KCNH7: variants seen among roughly 807,000 people sequenced by gnomAD.
KCNH7 encodes the protein voltage-gated inwardly rectifying potassium channel KCNH7.
Under a neutral mutation model 120.8 loss-of-function variants are expected in KCNH7, and 49 were observed. That is an observed-to-expected ratio of 0.41 (90% CI 0.32 to 0.51). KCNH7 has a LOEUF of 0.51. Ranked by LOEUF, KCNH7 falls within the 20% of genes least tolerant of loss-of-function variation. The probability of loss-of-function intolerance (pLI) is 0.38; values close to 1 mark genes in which losing one functional copy is unlikely to be tolerated. For synonymous variants in KCNH7, 547 were observed against 516.1 expected (o/e 1.06, Z -0.81); for missense variants, 1,097 against 1,446.6 (o/e 0.76, Z 3.92).
intron 2 of KCNH7, among the ~76,000 whole-genome samples, chr2:162,638,459 C>T (rs2105231437): frequency 6.6e-6 from 1 of 152,046 alleles, no homozygotes; most frequent in Non-Finnish European, 1.5e-5. Flanking sequence ...ATTTTGAAAG[C>T]AGAAGAGAAA....
At chr2:162,556,051 C>G (rs1162429751) in intron 2 of KCNH7, among the ~76,000 whole-genome samples, 3 of 151,884 alleles carry the variant, frequency 2.0e-5, no homozygotes, top group Non-Finnish European at 2.9e-5. Context: ...CATTATAAAA[C>G]CATGTCCATA....
intron 2 of KCNH7, among the ~76,000 whole-genome samples, chr2:162,821,686 C>A (rs1267829916): frequency 2.6e-5 from 4 of 152,188 alleles, no homozygotes; most frequent in Admixed American, 1.3e-4. Flanking sequence ...TAAAAAGAAT[C>A]TTGCTTTGGA....
intron 2 of KCNH7, among the ~76,000 whole-genome samples, chr2:162,678,973 G>T (rs767936923): frequency 6.6e-6 from 1 of 151,694 alleles, no homozygotes; most frequent in South Asian, 2.1e-4. Flanking sequence ...TGCCTTTGCA[G>T]GATATTTGAA....
intron 2 of KCNH7, among the ~76,000 whole-genome samples, chr2:162,634,838 T>C (rs1683900213): frequency 1.3e-5 from 2 of 152,154 alleles, no homozygotes; most frequent in Admixed American, 1.3e-4. Context: ...TTGGGTTTCT[T>C]GATGAAAGAT....
intron 2 of KCNH7, among the ~76,000 whole-genome samples, chr2:162,627,532 T>C (rs1375380260): frequency 6.6e-6 from 1 of 152,200 alleles, no homozygotes; most frequent in East Asian, 1.9e-4. Context: ...TAGTTCACAG[T>C]CAATAGGAAT....
rs151108607 is a variant in KCNH7 at position 162,667,073 on chromosome 2, G to A, written c.308-129993C>T. Among the ~76,000 whole-genome samples the A allele has an allele frequency of 9.2e-3, 1,322 of 142,958 alleles. 19 individuals carry two copies. Among genetic ancestry groups the A allele is most frequent in the African/African-American group, 0.033 (1,260 of 38,580 alleles). The allele number at this position is 142,958 out of a possible 152,430, so 93.8% of individuals were successfully genotyped here. On this transcript the variant is annotated intron_variant, in intron 2 of 15. Coordinates refer to ENST00000332142, the MANE Select transcript of KCNH7 (RefSeq NM_033272.4). ...CTCACTCCATCACCCAGGCTGGAGT[G>A]CAGTGGCACAATCATGGCCCACTGC...
At chr2:162,723,237 C>A (rs567763384) in intron 2 of KCNH7, among the ~76,000 whole-genome samples, 8 of 152,074 alleles carry the variant, frequency 5.3e-5, no homozygotes, top group Admixed American at 2.6e-4. Flanking sequence ...GTAAAAAAAA[C>A]CACCTTTCCT....
At chr2:162,643,339 AAAAC>A (rs1684231504) in intron 2 of KCNH7, among the ~76,000 whole-genome samples, 1 of 152,244 alleles carries the variant, frequency 6.6e-6, no homozygotes, top group Admixed American at 6.5e-5. Flanking sequence ...CAAAAAAGCA[AAAAC>A]AAACAAAAAA....
intron 2 of KCNH7, 59 bp downstream of exon 2, chr2:162,836,478 A>T: frequency 7.5e-7 from 1 of 1,341,150 alleles, no homozygotes; most frequent in Non-Finnish European, 1.1e-6. Flanking sequence ...AACTTTTAAT[A>T]GTCAAAATTT....
At chr2:162,423,144 A>G (rs143721211) in intron 9 of KCNH7, 192 bp downstream of exon 9, 3 of 1,179,340 alleles carry the variant, frequency 2.5e-6, no homozygotes, top group East Asian at 4.8e-5. Flanking sequence ...TTTGCCACAC[A>G]GTATAACTAG....
Position 162,708,101 on chromosome 2 carries a change from A to G in KCNH7, c.307+128436T>C, listed in dbSNP as rs76225354. Among the ~76,000 whole-genome samples the G allele has an allele frequency of 1.3e-4, 20 of 152,034 alleles. No individual in the cohort carries two copies. In the East Asian group the frequency reaches 3.5e-3, roughly 26 times the overall value. On this transcript the variant is annotated intron_variant, in intron 2 of 15. Transcript: ENST00000332142. ...TTAATAAATTTATCTCCCTTCTACA[A>G]TGTAATACCCATAGTGACAAAGAAT...
At chr2:162,697,962 A>T (rs912181438) in intron 2 of KCNH7, among the ~76,000 whole-genome samples, 1 of 152,154 alleles carries the variant, frequency 6.6e-6, no homozygotes, top group Non-Finnish European at 1.5e-5. Context: ...GACTTCCAAT[A>T]GTTTGAGTGT....
intron 2 of KCNH7, among the ~76,000 whole-genome samples, chr2:162,721,037 G>A (rs1190104461): frequency 6.6e-6 from 1 of 152,132 alleles, no homozygotes; most frequent in Non-Finnish European, 1.5e-5. Flanking sequence ...AGATACTAAC[G>A]CTACGACTCA....
chr2:162,707,236 A>T (rs1283097306), intron 2 of KCNH7, among the ~76,000 whole-genome samples: 1 of 152,160 alleles, frequency 6.6e-6, no homozygotes, highest in Non-Finnish European at 1.5e-5. Context: ...AATATCTGAC[A>T]CTTCTTTAGA....
intron 2 of KCNH7, among the ~76,000 whole-genome samples, chr2:162,752,382 A>G (rs970959379): frequency 4.6e-5 from 7 of 152,214 alleles, no homozygotes; most frequent in African/African-American, 1.7e-4. Flanking sequence ...TTTCTTTGAA[A>G]TCATTACCTT....
chr2:162,442,324 C>A (rs1294100994), intron 7 of KCNH7, among the ~76,000 whole-genome samples: 3 of 151,770 alleles, frequency 2.0e-5, no homozygotes, highest in Admixed American at 2.0e-4. Context: ...CTGCGCCCGG[C>A]CGTGACATGT....
intron 2 of KCNH7, among the ~76,000 whole-genome samples, chr2:162,539,624 T>A (rs1692235081): frequency 6.6e-6 from 1 of 152,020 alleles, no homozygotes; most frequent in African/African-American, 2.4e-5. Flanking sequence ...ATCATAAAAT[T>A]ATAGTGCTTT....
At chr2:162,562,709 C>A (rs962346805) in intron 2 of KCNH7, among the ~76,000 whole-genome samples, 1 of 152,154 alleles carries the variant, frequency 6.6e-6, no homozygotes, top group Non-Finnish European at 1.5e-5. Context: ...AGAGAAGCAG[C>A]TTGCCAGTCA....
chr2:162,638,211 C>T (rs1684029690), intron 2 of KCNH7, among the ~76,000 whole-genome samples: 1 of 152,022 alleles, frequency 6.6e-6, no homozygotes, highest in Non-Finnish European at 1.5e-5. Context: ...TGACAAAACT[C>T]ACGAGAAGAC....
Sources: gnomAD v4.1 joint callset for allele counts (sites outside exome capture counted in the v4.1 genomes callset) on GRCh38, gnomAD v4.1.1 for gene constraint, MANE v1.5 for transcripts, NCBI Gene and HGNC (gene_info 2026-07-23, HGNC 2026-07-21) for gene names.